MPZL1: variants seen among roughly 807,000 people sequenced by gnomAD.
The protein encoded by MPZL1 is myelin protein zero-like protein 1.
MPZL1 carries 16 observed loss-of-function variants against 29.3 expected under a neutral mutation model. That is an observed-to-expected ratio of 0.55 (90% CI 0.37 to 0.83). MPZL1 has a LOEUF of 0.83. Ranked by LOEUF, MPZL1 falls within the 40% of genes least tolerant of loss-of-function variation. The probability of loss-of-function intolerance (pLI) is 0.00; values close to 1 mark genes in which losing one functional copy is unlikely to be tolerated. For missense variants in MPZL1, 279 were observed against 332.9 expected, an observed-to-expected ratio of 0.84 and a Z score of 1.26; for synonymous variants, 143 against 132.0, an observed-to-expected ratio of 1.08 and a Z score of -0.57.
At chr1:167,778,793 AAAAAAAATTGG>A (rs1439032085) in intron 5 of MPZL1, among the ~76,000 whole-genome samples, 1 of 151,388 alleles carries the variant, frequency 6.6e-6, no homozygotes, top group African/African-American at 2.4e-5. Context: ...TCTGGAAATA[AAAAAAAATTGG>A]ATGGTGTTAA....
rs538505783 is a variant in MPZL1, at chr1:167,749,547, T to G, written c.92-16036T>G. The stretch of plus-strand genomic sequence containing the variant: ...AAACAAAAAAAGGCTAATAGGAAGC[T>G]AAGATTAGTATGGCAAAACCCATTC... On this transcript the variant is annotated intron_variant, in intron 1 of 5. Transcript: ENST00000359523. 3.3e-5 allele frequency among the ~76,000 whole-genome samples: 5 copies of G among 152,356 alleles called. No individual in the cohort carries two copies. The South Asian group carries it at 1.0e-3, about 32-fold the overall frequency.
At chr1:167,760,532 CAT>C (rs1231220019) in intron 1 of MPZL1, among the ~76,000 whole-genome samples, 3 of 151,962 alleles carry the variant, frequency 2.0e-5, no homozygotes, top group Admixed American at 6.6e-5. Context: ...GTAGAGATGA[CAT>C]GTGTAGCTGA....
chr1:167,739,286 T>TATATATATATATATACACATATATAC (rs1660458790), intron 1 of MPZL1, among the ~76,000 whole-genome samples: 6 of 108,326 alleles, frequency 5.5e-5, no homozygotes, highest in African/African-American at 3.3e-4. Context: ...TATATACATA[T>TATATATATATATATACACATATATAC]ATATATATAT....
intron 1 of MPZL1, among the ~76,000 whole-genome samples, chr1:167,751,911 T>A (rs1303840895): frequency 6.6e-6 from 1 of 152,138 alleles, no homozygotes; most frequent in African/African-American, 2.4e-5. Context: ...TCCAATAAAT[T>A]TTCCAGTAAT....
intron 1 of MPZL1, among the ~76,000 whole-genome samples, chr1:167,762,224 A>G (rs77928077): frequency 0.03 from 4,607 of 152,222 alleles, 242 homozygotes; most frequent in African/African-American, 0.1. Flanking sequence ...GTGCTGCTCA[A>G]CATCCTACAA....
At chr1:167,780,557 T>A (rs567988064) in intron 5 of MPZL1, among the ~76,000 whole-genome samples, 1 of 152,312 alleles carries the variant, frequency 6.6e-6, no homozygotes, top group South Asian at 2.1e-4. Flanking sequence ...TGGAATATTA[T>A]TCTGTCTTTA....
intron 2 of MPZL1, among the ~76,000 whole-genome samples, chr1:167,767,318 C>T (rs1158243531): frequency 2.0e-5 from 3 of 152,172 alleles, no homozygotes; most frequent in Non-Finnish European, 4.4e-5. Context: ...TCAAGAGAGT[C>T]CAAAGAACTA....
rs549217205 is a variant in MPZL1 at position 167,735,995 on chromosome 1, T to C, written c.91+13753T>C. On this transcript the variant is annotated intron_variant, in intron 1 of 5. Coordinates refer to ENST00000359523, the MANE Select transcript of MPZL1 (RefSeq NM_003953.6). ...TTGGTGCTATCTGACTTCCTCCTCC[T>C]CTCACTATTTGACACTTTGATAAAG... 3.9e-5 allele frequency among the ~76,000 whole-genome samples: 6 copies of C among 152,316 alleles called. No individual in the cohort carries two copies. In the South Asian group the frequency reaches 1.0e-3, roughly 26 times the overall value.
Position 167,789,125 on chromosome 1 carries a change from C to G in MPZL1, c.*1204C>G, listed in dbSNP as rs1450910252. On this transcript the variant is annotated 3_prime_UTR_variant, in exon 6 of 6. Coordinates refer to ENST00000359523, the MANE Select transcript of MPZL1 (RefSeq NM_003953.6). ...AAAGACTGTTGAGGTTAATGAGAGC[C>G]TAGATTAGACAGTTTGGCTGTCCTT... 1 of 152,132 alleles carries G rather than the reference C, an allele frequency of 6.6e-6. No individual in the cohort carries two copies. Among genetic ancestry groups the G allele is most frequent in the Non-Finnish European group, 1.5e-5 (1 of 68,012 alleles). The allele number at this position is 152,132 out of a possible 1,614,324, so 9.4% of individuals were successfully genotyped here. A position where few individuals can be genotyped will look rare whatever the true frequency, so the allele number is the denominator to read the frequency against.
At position 167,765,733 on chromosome 1, in the gene MPZL1, C is replaced by T. The variant is rs757960465; in HGVS notation, c.242C>T (p.Ala81Val). ...SVSWSFQPEG[A>V]DTTVSFFHYS... ...TCCTGGAGCTTCCAGCCAGAGGGGG[C>T]CGACACTACTGTGTCGGTAAGAATG... The change falls in exon 2 of 6, where the codon GCC (alanine) becomes GTC (valine). Residue 81 changes from alanine to valine, a missense_variant. Coordinates refer to ENST00000359523, the MANE Select transcript of MPZL1 (RefSeq NM_003953.6). 9.9e-6 allele frequency: 16 copies of T among 1,610,502 alleles called. No individual in the cohort carries two copies. Among genetic ancestry groups the T allele is most frequent in the Non-Finnish European group, 5.1e-6 (6 of 1,178,370 alleles).
In MPZL1 at chr1:167,779,338, A is replaced by G. The variant is rs139671003; in HGVS notation, c.708+3172A>G. 4.3e-4 allele frequency among the ~76,000 whole-genome samples: 66 copies of G among 152,232 alleles called. No individual in the cohort carries two copies. The East Asian group carries it at 0.012, about 28-fold the overall frequency. On this transcript the variant is annotated intron_variant, in intron 5 of 5. Transcript: ENST00000359523. ...GTGACTCAACGCCTGTAATCCTAGC[A>G]CTTTGGGAGGCTGAGGTGGGTGGAT...
chr1:167,771,932 C>T (rs1270914131), intron 2 of MPZL1, among the ~76,000 whole-genome samples: 4 of 152,104 alleles, frequency 2.6e-5, no homozygotes, highest in African/African-American at 9.7e-5. Flanking sequence ...GAGGCCAGCC[C>T]GGTCAACACG....
chr1:167,779,490 CAGG>C (rs1386974711), intron 5 of MPZL1, among the ~76,000 whole-genome samples: 1 of 151,844 alleles, frequency 6.6e-6, no homozygotes, highest in Non-Finnish European at 1.5e-5. Context: ...GAGGCCAAGA[CAGG>C]AGAATTGCTT....
At chr1:167,748,322 G>A (rs994295600) in intron 1 of MPZL1, among the ~76,000 whole-genome samples, 1 of 152,122 alleles carries the variant, frequency 6.6e-6, no homozygotes, top group African/African-American at 2.4e-5. Context: ...CCATCTTTTT[G>A]ATATAGCCAT....
chr1:167,744,528 A>T (rs553876897), intron 1 of MPZL1, among the ~76,000 whole-genome samples: 51 of 152,086 alleles, frequency 3.4e-4, no homozygotes, highest in African/African-American at 1.2e-3. Flanking sequence ...TACTAAAAAT[A>T]CAAAAATTAG....
chr1:167,739,282 C>CACATATATATATATATATAAAT, intron 1 of MPZL1, among the ~76,000 whole-genome samples: 1 of 90,418 alleles, frequency 1.1e-5, no homozygotes, highest in African/African-American at 6.3e-5. Context: ...TACATATATA[C>CACATATATATATATATATAAAT]ATATATATAT....
chr1:167,727,363 C>T (rs1012991790), intron 1 of MPZL1, among the ~76,000 whole-genome samples: 1 of 152,192 alleles, frequency 6.6e-6, no homozygotes, highest in African/African-American at 2.4e-5. Flanking sequence ...TATCTTTTAT[C>T]TGAGAATTTG....
chr1:167,773,301 A>T lies in MPZL1; in HGVS notation c.538A>T (p.Thr180Ser). 6.2e-7 allele frequency: 1 copy of T among 1,613,640 alleles called. No homozygotes were observed. The highest frequency in any genetic ancestry group is 8.5e-7 in the Non-Finnish European group (1 of 1,179,658). ...GIVTAVVLGL[T>S]LLISMILAVL... ...AGTTACTGCTGTGGTCCTAGGTCTC[A>T]CTCTGCTCATCAGCATGATTCTGGC... The change falls in exon 4 of 6, where the codon ACT (threonine) becomes TCT (serine). Residue 180 changes from threonine to serine, a missense_variant. Coordinates refer to ENST00000359523, the MANE Select transcript of MPZL1 (RefSeq NM_003953.6).
intron 1 of MPZL1, among the ~76,000 whole-genome samples, chr1:167,742,400 T>C (rs1158852506): frequency 1.3e-5 from 2 of 152,160 alleles, no homozygotes; most frequent in Non-Finnish European, 2.9e-5. Context: ...AACTATATTA[T>C]GGGCAGATAC....
Sources: allele counts gnomAD v4.1 joint callset (sites outside exome capture counted in the v4.1 genomes callset), GRCh38; gene constraint gnomAD v4.1.1; transcripts MANE v1.5; gene names NCBI Gene and HGNC (gene_info 2026-07-23, HGNC 2026-07-21).